The following HYCC1 variants were observed in gnomAD, a reference collection of about 807,000 sequenced individuals.
HYCC1 encodes hyccin PI4KA lipid kinase complex subunit 1.
At chr7:23,004,535 T>A in the HYCC1 span, among the ~76,000 whole-genome samples, 796 of 152,306 alleles carry the variant, frequency 5.2e-3, 9 homozygotes, top group African/African-American at 0.018. Flanking sequence ...ATGACATATT[T>A]GATGTTCTCA....
the HYCC1 span, among the ~76,000 whole-genome samples, chr7:22,968,068 T>C: frequency 6.6e-6 from 1 of 152,176 alleles, no homozygotes; most frequent in African/African-American, 2.4e-5. Context: ...ACTACCTCCA[T>C]ATCTATTTGT....
At chr7:22,965,301 A>G in the HYCC1 span, among the ~76,000 whole-genome samples, 1 of 152,014 alleles carries the variant, frequency 6.6e-6, no homozygotes, top group Non-Finnish European at 1.5e-5. Flanking sequence ...ACCATAATAA[A>G]CTTCAGATAG....
At chr7:22,912,176 C>T in the HYCC1 span, among the ~76,000 whole-genome samples, 1 of 152,122 alleles carries the variant, frequency 6.6e-6, no homozygotes, top group South Asian at 2.1e-4. Flanking sequence ...CCAAAGCATA[C>T]AGCAAATGAA....
the HYCC1 span, chr7:22,935,535 TC>T: frequency 6.6e-6 from 1 of 152,222 alleles, no homozygotes. Flanking sequence ...TCAGTTTTTG[TC>T]CTCCTAATAT....
chr7:22,928,887 A>G, the HYCC1 span, among the ~76,000 whole-genome samples: 1 of 152,308 alleles, frequency 6.6e-6, no homozygotes, highest in African/African-American at 2.4e-5. Flanking sequence ...TGCCAAGTCA[A>G]TCCTAAGCCA....
the HYCC1 span, among the ~76,000 whole-genome samples, chr7:22,905,868 A>G: frequency 3.3e-5 from 5 of 152,240 alleles, no homozygotes; most frequent in Admixed American, 2.6e-4. Context: ...CTAATAGAGG[A>G]AAAATAAATT....
the HYCC1 span, among the ~76,000 whole-genome samples, chr7:23,005,091 C>G: frequency 2.6e-5 from 4 of 152,188 alleles, no homozygotes; most frequent in Non-Finnish European, 5.9e-5. Context: ...AGGTGAAAGC[C>G]ACGGCGCCCG....
At chr7:22,970,074 G>C in the HYCC1 span, among the ~76,000 whole-genome samples, 1 of 138,152 alleles carries the variant, frequency 7.2e-6, no homozygotes, top group East Asian at 1.9e-4. Context: ...CTTACTTTAT[G>C]TAAGAATTAC....
At chr7:22,938,257 T>C in the HYCC1 span, 4 of 152,238 alleles carry the variant, frequency 2.6e-5, no homozygotes, top group African/African-American at 9.6e-5. Flanking sequence ...GGCAAACAGC[T>C]TGTTTCTCAA....
chr7:22,987,345 C>A, the HYCC1 span, among the ~76,000 whole-genome samples: 1 of 152,094 alleles, frequency 6.6e-6, no homozygotes, highest in African/African-American at 2.4e-5. Flanking sequence ...GCCAGGAGTT[C>A]GAGACCAGCC....
the HYCC1 span, among the ~76,000 whole-genome samples, chr7:22,979,439 T>C: frequency 2.0e-5 from 3 of 152,040 alleles, no homozygotes; most frequent in Non-Finnish European, 4.4e-5. Flanking sequence ...CATGGAAAGA[T>C]AACAGAAAAA....
At chr7:22,904,186 C>T in the HYCC1 span, among the ~76,000 whole-genome samples, 20 of 151,524 alleles carry the variant, frequency 1.3e-4, 1 homozygote, top group African/African-American at 4.6e-4. Flanking sequence ...AATCCCAGCA[C>T]TTTGGAAGGC....
chr7:22,982,120 A>G, the HYCC1 span, among the ~76,000 whole-genome samples: 1 of 152,234 alleles, frequency 6.6e-6, no homozygotes, highest in Non-Finnish European at 1.5e-5. Context: ...TAAAAAACAT[A>G]AAGCGTATGG....
chr7:22,902,739 T>C, the HYCC1 span, among the ~76,000 whole-genome samples: 4 of 152,090 alleles, frequency 2.6e-5, no homozygotes, highest in Non-Finnish European at 5.9e-5. Context: ...ACACTGACCC[T>C]TTCTTCAAAT....
chr7:22,989,808 A>T, the HYCC1 span, among the ~76,000 whole-genome samples: 1 of 152,240 alleles, frequency 6.6e-6, no homozygotes, highest in African/African-American at 2.4e-5. Context: ...ATTAGATAAA[A>T]GAGACAGATA....
the HYCC1 span, chr7:22,983,927 A>T: frequency 7.2e-7 from 1 of 1,395,182 alleles, no homozygotes. Flanking sequence ...AGCACAATAA[A>T]CCATAAAAGT....
the HYCC1 span, chr7:22,991,215 C>G: frequency 4.2e-6 from 4 of 951,084 alleles, no homozygotes; most frequent in South Asian, 6.0e-5. Context: ...CAGAGATAAT[C>G]CTATAAAGTT....
At chr7:22,953,890 A>G in the HYCC1 span, among the ~76,000 whole-genome samples, 1 of 151,822 alleles carries the variant, frequency 6.6e-6, no homozygotes, top group Admixed American at 6.6e-5. Context: ...TTTTTAAAAT[A>G]AAACTGCCAG....
chr7:22,993,407 T>C, the HYCC1 span, among the ~76,000 whole-genome samples: 1 of 152,098 alleles, frequency 6.6e-6, no homozygotes, highest in Non-Finnish European at 1.5e-5. Flanking sequence ...TGGACTTCCT[T>C]GAAAGTAAGA....
Sources: allele counts gnomAD v4.1 joint callset (sites outside exome capture counted in the v4.1 genomes callset), GRCh38; gene constraint gnomAD v4.1.1; transcripts MANE v1.5; gene names NCBI Gene and HGNC (gene_info 2026-07-23, HGNC 2026-07-21).